Variants in FAM114A2 observed in about 807,000 individuals in gnomAD.
The protein encoded by FAM114A2 is protein FAM114A2.
Under a neutral mutation model 58.4 loss-of-function variants are expected in FAM114A2, and 53 were observed. The observed-to-expected ratio is 0.91, with a 90% CI of 0.73 to 1.14. The LOEUF (loss-of-function observed/expected upper bound fraction) is 1.14, where lower values mean the gene tolerates loss of function less well. Among genes scored for constraint, FAM114A2 ranks in the 50% most tolerant of loss-of-function variants. FAM114A2 has a pLI of 0.00. For missense variants in FAM114A2, 601 were observed against 581.1 expected (o/e 1.03, Z -0.35); for synonymous variants, 228 against 211.4 (o/e 1.08, Z -0.68).
At chr5:154,005,636 C>T (rs1374532742) in intron 9 of FAM114A2, among the ~76,000 whole-genome samples, 1 of 152,178 alleles carries the variant, frequency 6.6e-6, no homozygotes, top group Admixed American at 6.5e-5. Context: ...GCCAGTTCTG[C>T]TCCTTGATTT....
chr5:153,994,918 C>A lies in FAM114A2; in HGVS notation c.1383+1G>T. The A allele has an allele frequency of 6.3e-7, 1 of 1,588,360 alleles. No homozygotes were observed. Among genetic ancestry groups the A allele is most frequent in the South Asian group, 1.1e-5 (1 of 90,524 alleles). On this transcript the variant is annotated splice_donor_variant, in intron 13 of 13. Transcript: ENST00000351797. LOFTEE classifies it high-confidence loss of function. ...TCAGAGACTTAAAAACAATTACTAA[C>A]CTCTAGAAATACTGCAGTGATTAAT...
At chr5:154,027,359 CT>C (rs1423221890) in intron 6 of FAM114A2, 25 bp from the exon 7 acceptor site, 2 of 1,592,196 alleles carry the variant, frequency 1.3e-6, no homozygotes, top group Admixed American at 1.8e-5. Context: ...AGGCATTACA[CT>C]GTAGCAAACA....
Position 154,034,354 on chromosome 5 carries a change from G to A in FAM114A2, c.234C>T (p.Pro78=), listed in dbSNP as rs11539779. Residue 78 remains proline (P), a synonymous_variant, in exon 3 of 14, where the codon CCC becomes CCT. Coordinates refer to ENST00000351797, the MANE Select transcript of FAM114A2 (RefSeq NM_018691.4). The stretch of plus-strand genomic sequence containing the variant: ...TCCCCCAATAACCCCATCTGGTCTG[G>A]GGTACATCTTTGGAAACATTATCCT... The part of the protein sequence containing the change: ...PIQDNVSKDV[P]QTRWGYWGSW... The A allele has an allele frequency of 6.3e-6, 10 of 1,589,670 alleles. No individual in the cohort carries two copies. In the East Asian group the frequency reaches 2.0e-4, roughly 32 times the overall value.
intron 2 of FAM114A2, 38 bp from the exon 3 acceptor site, chr5:154,034,415 A>C (rs1772406396): frequency 1.6e-6 from 2 of 1,281,472 alleles, no homozygotes; most frequent in African/African-American, 1.5e-5. Flanking sequence ...AAGGCAAAGA[A>C]AAATGAAAAA....
intron 8 of FAM114A2, among the ~76,000 whole-genome samples, chr5:154,013,225 T>C (rs1770814860): frequency 6.6e-6 from 1 of 152,174 alleles, no homozygotes; most frequent in Admixed American, 6.5e-5. Flanking sequence ...GAAAAGAGAC[T>C]GGTTTAGTGC....
In FAM114A2 at chr5:153,993,049, A is replaced by T. The variant is rs746913963; in HGVS notation, c.1445T>A (p.Ile482Asn). Reference protein sequence around the residue: ...AFQLLLPVLEISLIENKIESH... With the variant: ...AFQLLLPVLENSLIENKIESH... ...TTCAATCTTGTTCTCAATGAGAGAG[A>T]TCTCTAGCACAGGTAAGAGTAGCTG... is the stretch of plus-strand genomic sequence containing the variant. The change falls in exon 14 of 14, where the codon ATC (isoleucine) becomes AAC (asparagine). Residue 482 changes from isoleucine to asparagine, a missense_variant. Coordinates refer to ENST00000351797, the MANE Select transcript of FAM114A2 (RefSeq NM_018691.4). 1.9e-6 allele frequency: 3 copies of T among 1,613,574 alleles called. No individual in the cohort carries two copies. The East Asian group carries it at 6.7e-5, about 36-fold the overall frequency.
At chr5:153,995,828 C>T (rs1281567551) in intron 12 of FAM114A2, among the ~76,000 whole-genome samples, 1 of 152,110 alleles carries the variant, frequency 6.6e-6, no homozygotes, top group Non-Finnish European at 1.5e-5. Flanking sequence ...AAGACTTTAG[C>T]TTTAACTACT....
chr5:154,015,461 C>T (rs1357075731), intron 8 of FAM114A2, among the ~76,000 whole-genome samples: 1 of 152,166 alleles, frequency 6.6e-6, no homozygotes. Flanking sequence ...GTGGAGAAAA[C>T]CCCCAGTACC....
chr5:154,026,885 A>C, intron 7 of FAM114A2, among the ~76,000 whole-genome samples: 1 of 151,684 alleles, frequency 6.6e-6, no homozygotes, highest in Non-Finnish European at 1.5e-5. Context: ...AGAAACTAAA[A>C]AAAAAAAAAA....
At chr5:153,996,569 T>TAA (rs199965680) in intron 12 of FAM114A2, among the ~76,000 whole-genome samples, 2 of 143,076 alleles carry the variant, frequency 1.4e-5, no homozygotes, top group Non-Finnish European at 1.5e-5. Context: ...CTAGGAAAAT[T>TAA]AAAAAAAAAA....
Position 153,992,241 on chromosome 5 carries a change from T to C in FAM114A2, c.*735A>G, listed in dbSNP as rs779772616. The C allele has an allele frequency of 3.9e-5, 6 of 152,214 alleles. No homozygotes were observed. The highest frequency in any genetic ancestry group is 8.8e-5 in the Non-Finnish European group (6 of 68,038). 9.4% of individuals were successfully genotyped at this position (152,214 alleles called of 1,614,324 possible). A position where few individuals can be genotyped will look rare whatever the true frequency, so the allele number is the denominator to read the frequency against. On this transcript the variant is annotated 3_prime_UTR_variant, in exon 14 of 14. Coordinates refer to ENST00000351797, the MANE Select transcript of FAM114A2 (RefSeq NM_018691.4). ...AGAATATCTGCAAACATAAAACTGC[T>C]TCTCTAAATTGCATTTACTGGCCTT...
intron 4 of FAM114A2, among the ~76,000 whole-genome samples, chr5:154,031,818 T>C (rs948266293): frequency 7.2e-5 from 11 of 152,260 alleles, no homozygotes; most frequent in African/African-American, 2.4e-4. Context: ...ACTTTAATTC[T>C]AGACATTTCA....
intron 11 of FAM114A2, 37 bp downstream of exon 11, chr5:154,002,214 A>T: frequency 1.3e-6 from 2 of 1,595,166 alleles, no homozygotes; most frequent in East Asian, 2.3e-5. Context: ...AAACTCCTGC[A>T]ATTTGCATCA....
At chr5:154,035,044 A>C (rs1224557465) in intron 1 of FAM114A2, 77 bp from the exon 2 acceptor site, 1 of 785,658 alleles carries the variant, frequency 1.3e-6, no homozygotes, top group African/African-American at 1.8e-5. Context: ...TTTTAGTTTG[A>C]GATTATCATA....
chr5:154,020,112 CA>C (rs1483065459), intron 8 of FAM114A2, among the ~76,000 whole-genome samples: 5 of 152,086 alleles, frequency 3.3e-5, no homozygotes, highest in Non-Finnish European at 5.9e-5. Flanking sequence ...AACAAAGACA[CA>C]ATGTACCAGA....
chr5:154,005,250 T>G (rs950105213), intron 9 of FAM114A2, among the ~76,000 whole-genome samples: 1 of 152,178 alleles, frequency 6.6e-6, no homozygotes, highest in African/African-American at 2.4e-5. Context: ...AGGTTCTAGA[T>G]TCTCCTTAGT....
rs1042094758 is a variant in FAM114A2, at chr5:153,991,571, G to A, written c.*1405C>T. 4.0e-4 allele frequency: 61 copies of A among 152,166 alleles called. 1 individual carries two copies. Among genetic ancestry groups the A allele is most frequent in the African/African-American group, 1.4e-3 (60 of 41,516 alleles). The allele number at this position is 152,166 out of a possible 1,614,324, so 9.4% of individuals were successfully genotyped here. On this transcript the variant is annotated 3_prime_UTR_variant, in exon 14 of 14. Transcript: ENST00000351797. ...ATAGGCAGAGTAACATTGTAGTGCT[G>A]TTGGTATACCTTTTTAAACCAAATT... is the stretch of plus-strand genomic sequence containing the variant.
intron 9 of FAM114A2, among the ~76,000 whole-genome samples, chr5:154,006,102 GAACTATAT>G (rs1468493710): frequency 6.6e-6 from 1 of 152,130 alleles, no homozygotes; most frequent in African/African-American, 2.4e-5. Flanking sequence ...CAAACAGCAT[GAACTATAT>G]AAAGGCTTGG....
At chr5:154,027,427 G>C (rs6889563) in intron 6 of FAM114A2, 93 bp from the exon 7 acceptor site, 707,109 of 1,079,978 alleles carry the variant, frequency 0.65, 231,863 homozygotes, top group East Asian at 0.87. Context: ...AGACAGGTTA[G>C]AGTACAGAGG....
Sources: allele counts gnomAD v4.1 joint callset (sites outside exome capture counted in the v4.1 genomes callset), GRCh38; gene constraint gnomAD v4.1.1; transcripts MANE v1.5; gene names NCBI Gene and HGNC (gene_info 2026-07-23, HGNC 2026-07-21).